FBXL7: variants seen among roughly 807,000 people sequenced by gnomAD.
FBXL7 encodes the protein F-box and leucine rich repeat protein 7.
A neutral mutation model predicts 38.3 loss-of-function variants in FBXL7; 12 were observed. That is an observed-to-expected ratio of 0.31 (90% CI 0.20 to 0.51). FBXL7 has a LOEUF of 0.51. Ranked by LOEUF, FBXL7 falls within the 20% of genes least tolerant of loss-of-function variation. The pLI is 0.98. For synonymous variants in FBXL7, 297 were observed against 300.9 expected, an observed-to-expected ratio of 0.99 and a Z score of 0.13; for missense variants, 567 against 676.4, an observed-to-expected ratio of 0.84 and a Z score of 1.79.
At chr5:15,917,653 GGAAGGAA>G (rs1181437460) in intron 2 of FBXL7, among the ~76,000 whole-genome samples, 15 of 56,622 alleles carry the variant, frequency 2.6e-4, no homozygotes, top group African/African-American at 1.1e-3. Flanking sequence ...AGGGAAGGAA[GGAAGGAA>G]GGAAGGAAGG....
At chr5:15,552,257 T>G (rs1738096591) in intron 1 of FBXL7, among the ~76,000 whole-genome samples, 1 of 152,178 alleles carries the variant, frequency 6.6e-6, no homozygotes, top group South Asian at 2.1e-4. Flanking sequence ...TAGAAATACT[T>G]TTATCCTCTG....
At chr5:15,854,109 G>T (rs1739183452) in intron 2 of FBXL7, among the ~76,000 whole-genome samples, 1 of 152,112 alleles carries the variant, frequency 6.6e-6, no homozygotes, top group South Asian at 2.1e-4. Flanking sequence ...GAGAGAAATG[G>T]TTATGTTACC....
intron 2 of FBXL7, among the ~76,000 whole-genome samples, chr5:15,707,963 T>C (rs1743743934): frequency 6.6e-6 from 1 of 152,184 alleles, no homozygotes; most frequent in South Asian, 2.1e-4. Flanking sequence ...TTATTTTCTA[T>C]CCCATCTTTA....
chr5:15,935,339 A>G (rs1216533070), intron 3 of FBXL7: 1 of 415,212 alleles, frequency 2.4e-6, no homozygotes, highest in African/African-American at 2.5e-5. Context: ...AGCTAAGGGC[A>G]GGGAAGGGAG....
intron 2 of FBXL7, among the ~76,000 whole-genome samples, chr5:15,917,694 G>GAAGGAAGA (rs1287839446): frequency 3.2e-4 from 45 of 140,480 alleles, no homozygotes; most frequent in African/African-American, 7.0e-4. Context: ...AGGAAGGAAG[G>GAAGGAAGA]AAGAAAGAAA....
intron 2 of FBXL7, among the ~76,000 whole-genome samples, chr5:15,825,191 T>C (rs539707748): frequency 5.3e-4 from 81 of 152,318 alleles, no homozygotes; most frequent in African/African-American, 1.9e-3. Context: ...TCAGTGTTTA[T>C]TTTCTTATGT....
chr5:15,610,377 CCT>C (rs1316398391), intron 1 of FBXL7, among the ~76,000 whole-genome samples: 1 of 152,162 alleles, frequency 6.6e-6, no homozygotes, highest in East Asian at 1.9e-4. Context: ...ACACCACCTC[CCT>C]CTTATCTGGA....
intron 1 of FBXL7, among the ~76,000 whole-genome samples, chr5:15,570,940 A>C (rs1738758963): frequency 6.6e-6 from 1 of 152,038 alleles, no homozygotes; most frequent in Non-Finnish European, 1.5e-5. Context: ...TAAAAATACA[A>C]AATTAGCAGG....
chr5:15,666,131 C>T (rs1165272504), intron 2 of FBXL7, among the ~76,000 whole-genome samples: 2 of 151,996 alleles, frequency 1.3e-5, no homozygotes, highest in East Asian at 1.9e-4. Flanking sequence ...AAGTTGGTAT[C>T]GATTCATAAA....
At chr5:15,802,230 C>T (rs987567228) in intron 2 of FBXL7, among the ~76,000 whole-genome samples, 2 of 152,106 alleles carry the variant, frequency 1.3e-5, no homozygotes, top group Non-Finnish European at 2.9e-5. Context: ...CTATTTCTCC[C>T]CTAAACAATC....
intron 2 of FBXL7, among the ~76,000 whole-genome samples, chr5:15,808,353 A>G (rs1405456709): frequency 6.6e-6 from 1 of 152,080 alleles, no homozygotes; most frequent in Non-Finnish European, 1.5e-5. Context: ...AAAAATTCAT[A>G]TATAAAACCA....
intron 2 of FBXL7, among the ~76,000 whole-genome samples, chr5:15,869,990 G>C (rs568683993): frequency 6.6e-6 from 1 of 152,214 alleles, no homozygotes. Context: ...CACTCCTGTA[G>C]TATCAGCTAC....
chr5:15,925,880 T>C (rs1390537743), intron 2 of FBXL7, among the ~76,000 whole-genome samples: 1 of 152,230 alleles, frequency 6.6e-6, no homozygotes, highest in Non-Finnish European at 1.5e-5. Flanking sequence ...CAGTAGAAAG[T>C]GTACTTTGAG....
intron 2 of FBXL7, among the ~76,000 whole-genome samples, chr5:15,636,154 T>C (rs577298550): frequency 6.6e-6 from 1 of 152,162 alleles, no homozygotes; most frequent in African/African-American, 2.4e-5. Context: ...AAAATATTTG[T>C]ATAAATTGGA....
intron 1 of FBXL7, among the ~76,000 whole-genome samples, chr5:15,569,278 T>G (rs1265029399): frequency 6.6e-6 from 1 of 151,602 alleles, no homozygotes; most frequent in African/African-American, 2.4e-5. Flanking sequence ...AGCAGTGGTT[T>G]GTAGTTCTCC....
rs1197471570 is a variant in FBXL7, at chr5:15,568,215, A to G, written c.38-47768A>G. Among the ~76,000 whole-genome samples, 5 of 152,072 alleles carry G rather than the reference A, an allele frequency of 3.3e-5. No homozygotes were observed. The East Asian group carries it at 9.7e-4, about 29-fold the overall frequency. On this transcript the variant is annotated intron_variant, in intron 1 of 3. Coordinates refer to ENST00000504595, the MANE Select transcript of FBXL7 (RefSeq NM_012304.5). The stretch of plus-strand genomic sequence containing the variant: ...TGAACTAGTTTACAGTCCCACCAAC[A>G]GTGTAAAAGTGTTCCTATTTCTCCA...
chr5:15,663,726 T>A (rs1255742967), intron 2 of FBXL7, among the ~76,000 whole-genome samples: 1 of 152,198 alleles, frequency 6.6e-6, no homozygotes. Context: ...GGTTTGCAAG[T>A]ATTTTGTTGA....
chr5:15,878,833 C>T (rs2126320451), intron 2 of FBXL7, among the ~76,000 whole-genome samples: 1 of 152,294 alleles, frequency 6.6e-6, no homozygotes, highest in South Asian at 2.1e-4. Flanking sequence ...TCTCACTTTT[C>T]AAGCTGCCCT....
At chr5:15,709,606 T>G (rs1003739742) in intron 2 of FBXL7, among the ~76,000 whole-genome samples, 1 of 107,864 alleles carries the variant, frequency 9.3e-6, no homozygotes, top group African/African-American at 3.2e-5. Context: ...AGGCCACTTT[T>G]TATTGTCTGT....
Sources: gnomAD v4.1 joint callset for allele counts (sites outside exome capture counted in the v4.1 genomes callset) on GRCh38, gnomAD v4.1.1 for gene constraint, MANE v1.5 for transcripts, NCBI Gene and HGNC (gene_info 2026-07-23, HGNC 2026-07-21) for gene names.